Variants in CCAR1 observed in about 807,000 individuals in gnomAD.
The protein encoded by CCAR1 is cell division cycle and apoptosis regulator protein 1.
In CCAR1, 78 loss-of-function variants were observed where a neutral mutation model predicts 163.8. That is an observed-to-expected ratio of 0.48 (90% confidence interval 0.40 to 0.57). CCAR1 has a LOEUF of 0.57. CCAR1 is among the 20% of genes least tolerant of loss of function. The pLI, the probability that CCAR1 is intolerant of heterozygous loss-of-function variation, is 0.00. For missense variants in CCAR1, 1,019 were observed against 1,365.2 expected (o/e 0.75, Z 4.00); for synonymous variants, 443 against 460.7 (o/e 0.96, Z 0.49).
chr10:68,730,012 C>T (rs563933835), intron 2 of CCAR1, among the ~76,000 whole-genome samples: 1 of 151,576 alleles, frequency 6.6e-6, no homozygotes, highest in South Asian at 2.1e-4. Context: ...CTCCGCCTCC[C>T]GTGTTCAAGC....
At chr10:68,777,831 C>G (rs1453936445) in intron 19 of CCAR1, among the ~76,000 whole-genome samples, 1 of 152,156 alleles carries the variant, frequency 6.6e-6, no homozygotes, top group Non-Finnish European at 1.5e-5. Context: ...ACTCAGGAGT[C>G]TGAGCTGGTA....
Position 68,761,126 on chromosome 10 carries a change from G to T in CCAR1, c.2040G>T (p.Lys680Asn). The change falls in exon 16 of 25, where the codon AAG (lysine) becomes AAT (asparagine). Residue 680 changes from lysine (K) to asparagine (N), a missense_variant. Lys to Asn is a moderately conservative substitution (Grantham distance 94). This residue lies in a region of CCAR1 where 644 missense variants were observed against 904.4 expected (regional missense o/e 0.71). Transcript: ENST00000265872. ...TAGAGGAACAAAAAGAAGAACAGAA[G>T]GAGTTAGAGAAATCTGAAAAAGAAG... ...LKVEEQKEEQ[K>N]ELEKSEKEED... 1 of 1,610,856 alleles carries T rather than the reference G, an allele frequency of 6.2e-7. No homozygotes were observed. The highest frequency in any genetic ancestry group is 8.5e-7 in the Non-Finnish European group (1 of 1,178,718).
chr10:68,722,339 C>T, intron 1 of CCAR1, 116 bp from the exon 2 acceptor site: 2 of 625,680 alleles, frequency 3.2e-6, no homozygotes, highest in South Asian at 3.7e-5. Flanking sequence ...GTTGTTATTT[C>T]TGCTGAAATC....
intron 10 of CCAR1, among the ~76,000 whole-genome samples, chr10:68,751,528 A>G (rs1343227542): frequency 6.6e-6 from 1 of 152,100 alleles, no homozygotes; most frequent in African/African-American, 2.4e-5. Flanking sequence ...GAGTTGATGC[A>G]TAGGATATGA....
chr10:68,777,759 G>A (rs143102718), intron 19 of CCAR1, among the ~76,000 whole-genome samples: 6 of 151,516 alleles, frequency 4.0e-5, no homozygotes, highest in East Asian at 1.9e-4. Flanking sequence ...TGACGACACC[G>A]TGTCTCTACA....
chr10:68,755,425 C>T lies in CCAR1; in HGVS notation c.1514C>T (p.Ser505Phe). The T allele has an allele frequency of 6.2e-7, 1 of 1,614,170 alleles. No individual in the cohort carries two copies. The highest frequency in any genetic ancestry group is 8.5e-7 in the Non-Finnish European group (1 of 1,179,990). ...GCTATGGCCATTGGAGGCCACTGGT[C>T]TCCTTCGTTGGATGGACCAGACCCA... The part of the protein sequence containing the change: ...DEAMAIGGHW[S>F]PSLDGPDPEK... The change falls in exon 13 of 25, where the codon TCT becomes TTT. Residue 505 changes from serine (S) to phenylalanine (F), a missense_variant. Transcript: ENST00000265872.
chr10:68,747,531 A>G lies in CCAR1; in HGVS notation c.791A>G (p.Gln264Arg). Reference protein sequence around the residue: ...AASITPLLQTQPQPLLQQPQQ... With the variant: ...AASITPLLQTRPQPLLQQPQQ... Reference sequence around the variant, plus strand: ...TCTATTACACCACTATTGCAGACTCAACCACAGCCCTTATTACAGCAGCCT... The same window carrying G: ...TCTATTACACCACTATTGCAGACTCGACCACAGCCCTTATTACAGCAGCCT... Residue 264 changes from glutamine to arginine, a missense_variant, in exon 8 of 25, where the codon CAA becomes CGA. Transcript: ENST00000265872. 3 of 1,614,134 alleles carry G rather than the reference A, an allele frequency of 1.9e-6. No homozygotes were observed. The highest frequency in any genetic ancestry group is 2.5e-6 in the Non-Finnish European group (3 of 1,180,006).
chr10:68,734,745 A>G (rs2056085305), intron 2 of CCAR1, among the ~76,000 whole-genome samples: 1 of 151,908 alleles, frequency 6.6e-6, no homozygotes, highest in East Asian at 1.9e-4. Context: ...ATTTTTTTCA[A>G]AATTTATTGC....
intron 2 of CCAR1, among the ~76,000 whole-genome samples, chr10:68,732,038 G>A (rs962291219): frequency 6.6e-6 from 1 of 152,132 alleles, no homozygotes; most frequent in Admixed American, 6.6e-5. Context: ...AGAAAAAATG[G>A]ACATTCTGCG....
At chr10:68,772,848 C>T (rs1023567184) in intron 18 of CCAR1, 140 bp from the exon 19 acceptor site, 44 of 319,614 alleles carry the variant, frequency 1.4e-4, no homozygotes, top group Non-Finnish European at 2.2e-4. Flanking sequence ...TGGTGGCTCA[C>T]GCCTATAATC....
chr10:68,787,265 T>C lies in CCAR1; in HGVS notation c.2880+573T>C, dbSNP rs576524474. 2.6e-5 allele frequency among the ~76,000 whole-genome samples: 4 copies of C among 152,224 alleles called. No homozygotes were observed. The East Asian group carries it at 7.7e-4, about 29-fold the overall frequency. ...ATTCTGTACGTTTTGACTGGCTTTT[T>C]TTTTTTCATTCCACAGTATTCTATA... On this transcript the variant is annotated intron_variant, in intron 21 of 24. Coordinates refer to ENST00000265872, the MANE Select transcript of CCAR1 (RefSeq NM_018237.4).
chr10:68,760,929 T>C, intron 15 of CCAR1, 78 bp from the exon 16 acceptor site: 1 of 509,088 alleles, frequency 2.0e-6, no homozygotes, highest in Non-Finnish European at 3.5e-6. Context: ...AGCTAGTTTG[T>C]TTCCTATTTC....
At chr10:68,723,421 A>G (rs769807782) in intron 2 of CCAR1, among the ~76,000 whole-genome samples, 1 of 150,582 alleles carries the variant, frequency 6.6e-6, no homozygotes, top group Non-Finnish European at 1.5e-5. Flanking sequence ...AAGCCACCGC[A>G]CCCGGCAGTT....
intron 16 of CCAR1, among the ~76,000 whole-genome samples, chr10:68,762,360 A>C (rs1275761497): frequency 6.6e-6 from 1 of 152,078 alleles, no homozygotes; most frequent in Non-Finnish European, 1.5e-5. Flanking sequence ...ACAAACAAAA[A>C]AAAAACAGTT....
intron 19 of CCAR1, among the ~76,000 whole-genome samples, chr10:68,783,201 A>AT (rs2056756840): frequency 6.7e-6 from 1 of 149,928 alleles, no homozygotes; most frequent in Non-Finnish European, 1.5e-5. Flanking sequence ...TTTATTTTTT[A>AT]TTTTTTGAGA....
intron 19 of CCAR1, among the ~76,000 whole-genome samples, chr10:68,781,481 C>T (rs1390118964): frequency 2.6e-5 from 4 of 151,948 alleles, no homozygotes; most frequent in Admixed American, 6.6e-5. Flanking sequence ...ATGCAGGTTG[C>T]GGTGAGCTGA....
intron 19 of CCAR1, among the ~76,000 whole-genome samples, chr10:68,776,389 A>G (rs2056667738): frequency 6.6e-6 from 1 of 150,518 alleles, no homozygotes; most frequent in African/African-American, 2.4e-5. Context: ...CATATTGAAA[A>G]CCCCACCTCT....
chr10:68,777,639 G>A (rs746643643), intron 19 of CCAR1, among the ~76,000 whole-genome samples: 4 of 150,564 alleles, frequency 2.7e-5, no homozygotes, highest in Non-Finnish European at 5.9e-5. Context: ...AGCTGAGATT[G>A]CACTACTGCA....
At chr10:68,755,570 T>C (rs759154175) in intron 13 of CCAR1, 34 bp downstream of exon 13, 4 of 1,565,440 alleles carry the variant, frequency 2.6e-6, no homozygotes, top group Non-Finnish European at 3.5e-6. Context: ...TTAGAAGTGT[T>C]TTACTGATAG....
Sources: gnomAD v4.1 joint callset for allele counts (sites outside exome capture counted in the v4.1 genomes callset) on GRCh38, gnomAD v4.1.1 for gene constraint, gnomAD v4.1.1 regional missense constraint, MANE v1.5 for transcripts, NCBI Gene and HGNC (gene_info 2026-07-23, HGNC 2026-07-21) for gene names.